The following LRRC41 variants were observed in gnomAD, a reference collection of about 807,000 sequenced individuals.
LRRC41 encodes leucine-rich repeat-containing protein 41.
Under a neutral mutation model 72.1 loss-of-function variants are expected in LRRC41, and 17 were observed. The observed-to-expected ratio is 0.24, with a 90% CI of 0.16 to 0.35. LRRC41 has a LOEUF of 0.35. Among genes scored for constraint, LRRC41 ranks in the 10% least tolerant of loss-of-function variants. The probability of loss-of-function intolerance (pLI) is 1.00; values close to 1 mark genes in which losing one functional copy is unlikely to be tolerated. For synonymous variants in LRRC41, 427 were observed against 431.0 expected, an observed-to-expected ratio of 0.99 and a Z score of 0.11; for missense variants, 759 against 1,065.0, an observed-to-expected ratio of 0.71 and a Z score of 4.00.
At chr1:46,297,522 T>A in intron 3 of LRRC41, 41 bp downstream of exon 3, 1 of 1,512,468 alleles carries the variant, frequency 6.6e-7, no homozygotes, top group Non-Finnish European at 9.2e-7. Flanking sequence ...GCTTTTACCA[T>A]GCAAAATCAG....
intron 4 of LRRC41, among the ~76,000 whole-genome samples, chr1:46,281,643 T>C (rs1660777095): frequency 6.6e-6 from 1 of 152,122 alleles, no homozygotes; most frequent in Non-Finnish European, 1.5e-5. Flanking sequence ...GAAGATACAA[T>C]ATGGTGAGGC....
At chr1:46,287,016 T>C (rs1660898475) in intron 3 of LRRC41, among the ~76,000 whole-genome samples, 1 of 151,752 alleles carries the variant, frequency 6.6e-6, no homozygotes, top group Non-Finnish European at 1.5e-5. Flanking sequence ...TTGACCAGGC[T>C]GGTCTTGAAC....
intron 4 of LRRC41, among the ~76,000 whole-genome samples, chr1:46,281,883 A>G (rs1482914326): frequency 6.6e-6 from 1 of 152,230 alleles, no homozygotes; most frequent in African/African-American, 2.4e-5. Context: ...GTTCCAGACC[A>G]GCCTGGCCAA....
chr1:46,298,436 C>A, intron 1 of LRRC41, 66 bp from the exon 2 acceptor site: 1 of 969,030 alleles, frequency 1.0e-6, no homozygotes, highest in Admixed American at 2.3e-5. Flanking sequence ...GGTTTCCAAG[C>A]ATTATTTATT....
In LRRC41 at chr1:46,281,230, G is replaced by T. The variant is rs377701856; in HGVS notation, c.1651C>A (p.Arg551=). The change falls in exon 5 of 10, where the codon CGG becomes AGG. Residue 551 remains arginine, a synonymous_variant. Transcript: ENST00000617190. ...RAIVRALPLL[R]VLSIRVDHPS... is the part of the protein sequence containing the mutation. Reference sequence around the variant, plus strand: ...TGGTCAACACGAATAGAGAGGACCCGTAGCAGGGGCAGTGCTCGCACGATA... The same window carrying T: ...TGGTCAACACGAATAGAGAGGACCCTTAGCAGGGGCAGTGCTCGCACGATA... The T allele has an allele frequency of 3.1e-6, 5 of 1,614,196 alleles. No homozygotes were observed. The highest frequency in any genetic ancestry group is 4.2e-6 in the Non-Finnish European group (5 of 1,180,036).
In LRRC41 at chr1:46,285,690, C is replaced by T. The variant is rs1006632129; in HGVS notation, c.1167G>A (p.Lys389=). ...TCTTCCCTGCAGCTCGCTTGAAACG[C>T]TTTAGGGGCTTAGGCTGTGGGGCTG... is the stretch of plus-strand genomic sequence containing the variant. The part of the protein sequence containing the change: ...ASSAPQPKPL[K]RFKRAAGKKG... Residue 389 remains lysine (K), a synonymous_variant, in exon 4 of 10, where the codon AAG becomes AAA. Coordinates refer to ENST00000617190, the MANE Select transcript of LRRC41 (RefSeq NM_006369.5). The surrounding 1 kb of genome is among the most constrained non-coding windows in gnomAD (Gnocchi z 5.3). 6.2e-7 allele frequency: 1 copy of T among 1,613,998 alleles called. No individual in the cohort carries two copies. The highest frequency in any genetic ancestry group is 1.3e-5 in the African/African-American group (1 of 75,022).
rs1557711106 is a variant in LRRC41 at position 46,278,650 on chromosome 1, A to G, written c.*215T>C. The G allele has an allele frequency of 1.8e-5, 11 of 612,252 alleles. No homozygotes were observed. Among genetic ancestry groups the G allele is most frequent in the South Asian group, 4.0e-5 (2 of 49,410 alleles). The allele number at this position is 612,252 out of a possible 1,614,324, so 37.9% of individuals were successfully genotyped here. A position where few individuals can be genotyped will look rare whatever the true frequency, so the allele number is the denominator to read the frequency against. ...GCCCAGGGTTCCCAGGATACTGAGT[A>G]AGGGGCCCAAAGACTATAAACCCAG... On this transcript the variant is annotated 3_prime_UTR_variant, in exon 10 of 10. Transcript: ENST00000617190.
In LRRC41 at chr1:46,298,342, G is replaced by T; in HGVS notation, c.228C>A (p.Ile76=). Reference sequence around the variant, plus strand: ...AGTAATATATATTGAGCAGAGGTAGGATGCTTTGAAGTATTGGGCCTGGGA... The same window carrying T: ...AGTAATATATATTGAGCAGAGGTAGTATGCTTTGAAGTATTGGGCCTGGGA... ...WALPGPILQS[I]LPLLNIYYLE... is the part of the protein sequence containing the mutation. The change falls in exon 2 of 10, where the codon ATC becomes ATA. Residue 76 remains isoleucine, a synonymous_variant. Coordinates refer to ENST00000617190, the MANE Select transcript of LRRC41 (RefSeq NM_006369.5). 2 of 1,612,440 alleles carry T rather than the reference G, an allele frequency of 1.2e-6. No individual in the cohort carries two copies. Among genetic ancestry groups the T allele is most frequent in the South Asian group, 2.2e-5 (2 of 90,836 alleles).
At chr1:46,295,717 G>A (rs6676038) in intron 3 of LRRC41, among the ~76,000 whole-genome samples, 4,895 of 152,298 alleles carry the variant, frequency 0.032, 119 homozygotes, top group African/African-American at 0.054. Flanking sequence ...GTCAACTCTA[G>A]TGCTTGTGAA....
chr1:46,288,774 A>C (rs1045311845), intron 3 of LRRC41, among the ~76,000 whole-genome samples: 2 of 152,366 alleles, frequency 1.3e-5, no homozygotes, highest in Admixed American at 1.3e-4. Flanking sequence ...CATAGCAGCA[A>C]CACAGAAAGG....
rs115682382 is a variant in LRRC41, at chr1:46,285,269, C to T, written c.1495+93G>A. The T allele has an allele frequency of 4.7e-3, 6,004 of 1,288,384 alleles. 183 individuals are homozygous for T. In the African/African-American group the frequency reaches 0.066, roughly 14 times the overall value. The allele number at this position is 1,288,384 out of a possible 1,614,324, so 79.8% of individuals were successfully genotyped here. A position where few individuals can be genotyped will look rare whatever the true frequency, so the allele number is the denominator to read the frequency against. ...TCCTCTCTAACCTCCTGATCATACC[C>T]CCAATTTGCCCCTCCCACCTCCCTA... is the stretch of plus-strand genomic sequence containing the variant. On this transcript the variant is annotated intron_variant, in intron 4 of 9. Coordinates refer to ENST00000617190, the MANE Select transcript of LRRC41 (RefSeq NM_006369.5). The surrounding 1 kb of genome is among the most constrained non-coding windows in gnomAD (Gnocchi z 5.3).
At position 46,302,800 on chromosome 1, in the gene LRRC41, G is replaced by C; in HGVS notation, c.199+324C>G. On this transcript the variant is annotated intron_variant, in intron 1 of 9. Coordinates refer to ENST00000617190, the MANE Select transcript of LRRC41 (RefSeq NM_006369.5). This position sits in a 1 kb window ranked among gnomAD's most constrained non-coding sequence, Gnocchi z 4.7. ...CGAGACTCTCCTGCCCGGCCCAGCC[G>C]AGTGTCAGTTCGCGCGGCCCACAGC... The C allele has an allele frequency of 1.0e-6, 1 of 985,046 alleles. No homozygotes were observed. Among genetic ancestry groups the C allele is most frequent in the South Asian group, 4.7e-5 (1 of 21,266 alleles). The allele number at this position is 985,046 out of a possible 1,614,324, so 61.0% of individuals were successfully genotyped here. A position where few individuals can be genotyped will look rare whatever the true frequency, so the allele number is the denominator to read the frequency against.
Position 46,278,059 on chromosome 1 carries a change from C to T in LRRC41, c.*806G>A, listed in dbSNP as rs1569627542. ...GGATCTGTAGTGACTTCAGCTGTGC[C>T]TTCTGTCCCTAGGTTGCACTGCCGA... On this transcript the variant is annotated 3_prime_UTR_variant, in exon 10 of 10. Coordinates refer to ENST00000617190, the MANE Select transcript of LRRC41 (RefSeq NM_006369.5). The T allele has an allele frequency of 6.2e-7, 1 of 1,614,128 alleles. No homozygotes were observed. The highest frequency in any genetic ancestry group is 8.5e-7 in the Non-Finnish European group (1 of 1,180,004).
rs747174148 is a variant in LRRC41, at chr1:46,285,287, C to A, written c.1495+75G>T. The A allele has an allele frequency of 6.6e-7, 1 of 1,521,758 alleles. No homozygotes were observed. The highest frequency in any genetic ancestry group is 9.0e-7 in the Non-Finnish European group (1 of 1,115,274). The allele number at this position is 1,521,758 out of a possible 1,614,324, so 94.3% of individuals were successfully genotyped here. ...TCATACCCCCAATTTGCCCCTCCCA[C>A]CTCCCTAGAATTAGGCACACAGCTG... On this transcript the variant is annotated intron_variant, in intron 4 of 9. Transcript: ENST00000617190. This position sits in a 1 kb window ranked among gnomAD's most constrained non-coding sequence, Gnocchi z 5.3.
chr1:46,285,643 C>G lies in LRRC41; in HGVS notation c.1214G>C (p.Gly405Ala). Residue 405 changes from glycine (G) to alanine (A), a missense_variant, in exon 4 of 10, where the codon GGG becomes GCG. Gly to Ala is a moderately conservative substitution (Grantham distance 60). Around this residue, in one of 4 missense-constraint regions of LRRC41, gnomAD observed 427 missense variants for 520.9 expected, o/e 0.82. Transcript: ENST00000617190. The surrounding 1 kb of genome is among the most constrained non-coding windows in gnomAD (Gnocchi z 5.3). Reference protein sequence around the residue: ...AGKKGARTRQGPGAESEDLYD... With the variant: ...AGKKGARTRQAPGAESEDLYD... The stretch of plus-strand genomic sequence containing the variant: ...CAGGTCTTCAGACTCTGCACCAGGC[C>G]CCTGACGGGTGCGAGCACCCTTCTT... The G allele has an allele frequency of 1.9e-6, 3 of 1,614,176 alleles. No individual in the cohort carries two copies. The highest frequency in any genetic ancestry group is 2.5e-6 in the Non-Finnish European group (3 of 1,180,032).
In LRRC41 at chr1:46,303,574, C is replaced by A; in HGVS notation, c.-252G>T. ...AAGCCTCCTCGGGTGCAAACATCAG[C>A]TACCCCTAACCTCTGCCTGCGGCTG... is the stretch of plus-strand genomic sequence containing the variant. On this transcript the variant is annotated 5_prime_UTR_variant, in exon 1 of 10. Coordinates refer to ENST00000617190, the MANE Select transcript of LRRC41 (RefSeq NM_006369.5). 3.5e-6 allele frequency: 3 copies of A among 862,724 alleles called. No individual in the cohort carries two copies. The highest frequency in any genetic ancestry group is 5.3e-6 in the Non-Finnish European group (3 of 567,228). The allele number at this position is 862,724 out of a possible 1,614,324, so 53.4% of individuals were successfully genotyped here.
chr1:46,302,177 G>A lies in LRRC41; in HGVS notation c.199+947C>T, dbSNP rs1489605299. On this transcript the variant is annotated intron_variant, in intron 1 of 9. Transcript: ENST00000617190. This position sits in a 1 kb window ranked among gnomAD's most constrained non-coding sequence, Gnocchi z 4.7. ...TTGGTCCCGGCCGCCTTCAGGCCTG[G>A]GGCCCCCGTTCACTCCCATTCAGCC... 1.0e-6 allele frequency: 1 copy of A among 985,296 alleles called. No homozygotes were observed. Among genetic ancestry groups the A allele is most frequent in the East Asian group, 1.1e-4 (1 of 8,768 alleles). 61.0% of individuals were successfully genotyped at this position (985,296 alleles called of 1,614,324 possible). A position where few individuals can be genotyped will look rare whatever the true frequency, so the allele number is the denominator to read the frequency against.
chr1:46,296,240 C>T lies in LRRC41; in HGVS notation c.357+1323G>A, dbSNP rs146151946. The stretch of plus-strand genomic sequence containing the variant: ...GACCAGCCTGACCAACATGGAGAAA[C>T]CCTGTCTCTATTAAAAATACAAAAA... On this transcript the variant is annotated intron_variant, in intron 3 of 9. Transcript: ENST00000617190. Among the ~76,000 whole-genome samples, 624 of 152,238 alleles carry T rather than the reference C, an allele frequency of 4.1e-3. 7 individuals carry two copies. The highest frequency in any genetic ancestry group is 0.014 in the African/African-American group (587 of 41,544).
intron 1 of LRRC41, among the ~76,000 whole-genome samples, chr1:46,301,517 A>C (rs1457361985): frequency 6.6e-6 from 1 of 151,592 alleles, no homozygotes; most frequent in Non-Finnish European, 1.5e-5. Flanking sequence ...GACTTCTAAA[A>C]GCCTCTTCCA....
Sources: allele counts gnomAD v4.1 joint callset (sites outside exome capture counted in the v4.1 genomes callset), GRCh38; gene constraint gnomAD v4.1.1; regional missense constraint gnomAD v4.1.1; non-coding constraint Gnocchi (gnomAD v3.1); transcripts MANE v1.5; gene names NCBI Gene and HGNC (gene_info 2026-07-23, HGNC 2026-07-21).